Variants in TMEM229A observed in about 807,000 individuals in gnomAD.
The protein encoded by TMEM229A is transmembrane protein 229A.
Under a neutral mutation model 30.0 loss-of-function variants are expected in TMEM229A, and 23 were observed. That is an observed-to-expected ratio of 0.77 (90% CI 0.55 to 1.09). TMEM229A has a LOEUF of 1.09. Among genes scored for constraint, TMEM229A ranks in the 50% least tolerant of loss-of-function variants. The pLI is 0.00. For synonymous variants in TMEM229A, 264 were observed against 241.5 expected (o/e 1.09, Z -0.86); for missense variants, 534 against 525.9 (o/e 1.02, Z -0.15).
chr7:124,032,554 G>C lies in TMEM229A; in HGVS notation c.450C>G (p.Val150=). Residue 150 remains valine, a synonymous_variant, in exon 1 of 1, where the codon GTC becomes GTG. Transcript: ENST00000455783. This position sits in a 1 kb window ranked among gnomAD's most constrained non-coding sequence, Gnocchi z 6.6. ...LLLSLGGGAG[V]AVAPGALDLA... ...GGTCCAGCGCCCCTGGCGCCACCGC[G>C]ACCCCCGCCCCGCCGCCCAGGCTGA... 2.6e-6 allele frequency: 4 copies of C among 1,549,374 alleles called. No homozygotes were observed. Among genetic ancestry groups the C allele is most frequent in the Non-Finnish European group, 3.5e-6 (4 of 1,145,922 alleles).
chr7:124,032,225 A>G lies in TMEM229A; in HGVS notation c.779T>C (p.Phe260Ser), dbSNP rs1289929182. 1.9e-6 allele frequency: 3 copies of G among 1,551,618 alleles called. No homozygotes were observed. The highest frequency in any genetic ancestry group is 2.6e-6 in the Non-Finnish European group (3 of 1,147,006). ...HGFLDEIFFTFFFNVLGQGDG... is the reference protein window; with the variant it reads ...HGFLDEIFFTSFFNVLGQGDG... Reference sequence around the variant, plus strand: ...CCCCTGCCCCAGTACGTTGAAGAAGAAGGTGAAGAAGATCTCATCCAGAAA... The same window carrying G: ...CCCCTGCCCCAGTACGTTGAAGAAGGAGGTGAAGAAGATCTCATCCAGAAA... Residue 260 changes from phenylalanine (F) to serine (S), a missense_variant, in exon 1 of 1, where the codon TTC becomes TCC. Coordinates refer to ENST00000455783, the MANE Select transcript of TMEM229A (RefSeq NM_001136002.2). This position sits in a 1 kb window ranked among gnomAD's most constrained non-coding sequence, Gnocchi z 6.6.
Position 124,032,669 on chromosome 7 carries a change from C to G in TMEM229A, c.335G>C (p.Arg112Pro). The G allele has an allele frequency of 6.4e-7, 1 of 1,551,450 alleles. No individual in the cohort carries two copies. The highest frequency in any genetic ancestry group is 8.7e-7 in the Non-Finnish European group (1 of 1,146,848). Residue 112 changes from arginine (R) to proline (P), a missense_variant, in exon 1 of 1, where the codon CGG becomes CCG. Physicochemically the swap from Arg to Pro is moderately radical, Grantham distance 103 (BLOSUM62 -2). Transcript: ENST00000455783. This position sits in a 1 kb window ranked among gnomAD's most constrained non-coding sequence, Gnocchi z 6.6. ...FALEKVYLQQ[R>P]RCPNAFVFNF... is the part of the protein sequence containing the mutation. ...GAAGACGAAGGCGTTGGGACAGCGC[C>G]GCTGCTGCAGGTACACCTTCTCCAG... is the stretch of plus-strand genomic sequence containing the variant.
chr7:124,032,909 G>A lies in TMEM229A; in HGVS notation c.95C>T (p.Ala32Val), dbSNP rs1181503237. The A allele has an allele frequency of 7.0e-7, 1 of 1,419,822 alleles. No individual in the cohort carries two copies. Among genetic ancestry groups the A allele is most frequent in the East Asian group, 3.0e-5 (1 of 33,070 alleles). 88.0% of individuals were successfully genotyped at this position (1,419,822 alleles called of 1,614,324 possible). Reference protein sequence around the residue: ...GAPGGPGSEAAAGCPEPLSTA... With the variant: ...GAPGGPGSEAVAGCPEPLSTA... The stretch of plus-strand genomic sequence containing the variant: ...GGACAGCGGCTCCGGGCAGCCGGCT[G>A]CCGCCTCGCTTCCTGGCCCGCCAGG... The change falls in exon 1 of 1, where the codon GCA becomes GTA. Residue 32 changes from alanine (A) to valine (V), a missense_variant. Physicochemically the swap from Ala to Val is moderately conservative, Grantham distance 64. Coordinates refer to ENST00000455783, the MANE Select transcript of TMEM229A (RefSeq NM_001136002.2). The surrounding 1 kb of genome is among the most constrained non-coding windows in gnomAD (Gnocchi z 6.6).
chr7:124,032,673 G>A lies in TMEM229A; in HGVS notation c.331C>T (p.Gln111Ter). The change falls in exon 1 of 1, where the codon CAG (glutamine) becomes TAG (stop). Residue 111 changes from glutamine to a stop codon, truncating the protein, a stop_gained. Transcript: ENST00000455783. LOFTEE classifies it high-confidence loss of function. This position sits in a 1 kb window ranked among gnomAD's most constrained non-coding sequence, Gnocchi z 6.6. The part of the protein sequence containing the change: ...HFALEKVYLQ[Q>*]RRCPNAFVFN... ...ACGAAGGCGTTGGGACAGCGCCGCT[G>A]CTGCAGGTACACCTTCTCCAGGGCG... 6.4e-7 allele frequency: 1 copy of A among 1,551,516 alleles called. No individual in the cohort carries two copies. Among genetic ancestry groups the A allele is most frequent in the Non-Finnish European group, 8.7e-7 (1 of 1,146,884 alleles).
Sources: allele counts gnomAD v4.1 joint callset, GRCh38; gene constraint gnomAD v4.1.1; non-coding constraint Gnocchi (gnomAD v3.1); transcripts MANE v1.5; gene names NCBI Gene and HGNC (gene_info 2026-07-23, HGNC 2026-07-21).